Variants in ADAMTSL2 observed in about 807,000 individuals in gnomAD.
ADAMTSL2 encodes ADAMTS-like protein 2.
A neutral mutation model predicts 117.0 loss-of-function variants in ADAMTSL2; 55 were observed. The observed-to-expected ratio is 0.47, with a 90% CI of 0.38 to 0.59. ADAMTSL2 has a LOEUF of 0.59. Ranked by LOEUF, ADAMTSL2 falls within the 20% of genes least tolerant of loss-of-function variation. The pLI, the probability that ADAMTSL2 is intolerant of heterozygous loss-of-function variation, is 0.00. For missense variants in ADAMTSL2, 1,182 were observed against 1,354.5 expected, an observed-to-expected ratio of 0.87 and a Z score of 2.00; for synonymous variants, 572 against 566.4, an observed-to-expected ratio of 1.01 and a Z score of -0.14.
intron 9 of ADAMTSL2, among the ~76,000 whole-genome samples, chr9:133,548,627 GC>G (rs1203376276): frequency 6.6e-6 from 1 of 152,018 alleles, no homozygotes; most frequent in Non-Finnish European, 1.5e-5. Context: ...GCTTCGGCCA[GC>G]CCCCTGGGGG....
At chr9:133,551,986 C>T (rs1830497275) in intron 9 of ADAMTSL2, among the ~76,000 whole-genome samples, 1 of 152,026 alleles carries the variant, frequency 6.6e-6, no homozygotes, top group Non-Finnish European at 1.5e-5. Flanking sequence ...CCCACCACCA[C>T]ACCCAGCTAA....
Position 133,563,327 on chromosome 9 carries a change from G to T in ADAMTSL2, c.1747+2032G>T, listed in dbSNP as rs911698480. On this transcript the variant is annotated intron_variant, in intron 12 of 18. Transcript: ENST00000651351. ...CAGACCCCTAGCGGAGCTGAGCATG[G>T]TGGTGGGGTGTCAGCAGGGTGTCTG... is the stretch of plus-strand genomic sequence containing the variant. Among the ~76,000 whole-genome samples the T allele has an allele frequency of 6.6e-5, 10 of 152,374 alleles. No individual in the cohort carries two copies. The East Asian group carries it at 1.9e-3, about 29-fold the overall frequency.
chr9:133,552,416 C>T (rs979415614), intron 9 of ADAMTSL2, among the ~76,000 whole-genome samples: 12 of 152,250 alleles, frequency 7.9e-5, no homozygotes, highest in East Asian at 7.7e-4. Context: ...ATAAGTGTGG[C>T]GCCATCAGTG....
rs1830565143 is a variant in ADAMTSL2 at position 133,554,657 on chromosome 9, G to T, written c.1240G>T (p.Ala414Ser). ...NEVCEQAGGG[A>S]CEGPPRGKGF... ...GGTGTGCGAGCAGGCCGGCGGCGGG[G>T]CCTGCGAGGGGCCCCCCAGGGGCAA... The change falls in exon 10 of 19, where the codon GCC becomes TCC. Residue 414 changes from alanine (A) to serine (S), a missense_variant. Ala to Ser is a moderately conservative substitution (Grantham distance 99). Transcript: ENST00000651351. The surrounding 1 kb of genome is among the most constrained non-coding windows in gnomAD (Gnocchi z 5.2). 6 of 1,521,346 alleles carry T rather than the reference G, an allele frequency of 3.9e-6. No homozygotes were observed. The highest frequency in any genetic ancestry group is 4.2e-5 in the Admixed American group (2 of 47,710). 94.2% of individuals were successfully genotyped at this position (1,521,346 alleles called of 1,614,324 possible). A position where few individuals can be genotyped will look rare whatever the true frequency, so the allele number is the denominator to read the frequency against.
chr9:133,548,008 A>T (rs10121475), intron 9 of ADAMTSL2, among the ~76,000 whole-genome samples: 128,598 of 152,278 alleles, frequency 0.84, 55,080 homozygotes, highest in Non-Finnish European at 0.92. Flanking sequence ...GACATCAAGA[A>T]GGGCAGTTGT....
chr9:133,570,184 AAG>A (rs1336549669), intron 16 of ADAMTSL2, 145 bp from the exon 17 acceptor site: 5 of 888,942 alleles, frequency 5.6e-6, no homozygotes, highest in Admixed American at 2.7e-5. Context: ...TTATCGAACA[AAG>A]AGTTTCCAGC....
In ADAMTSL2 at chr9:133,566,976, C is replaced by T. The variant is rs1018083716; in HGVS notation, c.1788C>T (p.Gly596=). ...ACGCCATGTGTGTCCGCTATGATGG[C>T]GTCGAGGTGGATGACAGCTACTGTG... is the stretch of plus-strand genomic sequence containing the variant. The part of the protein sequence containing the change: ...SAYAMCVRYD[G]VEVDDSYCDA... The change falls in exon 13 of 19, where the codon GGC becomes GGT. Residue 596 remains glycine (G), a synonymous_variant. Transcript: ENST00000651351. 165 of 1,610,722 alleles carry T rather than the reference C, an allele frequency of 1.0e-4. No individual in the cohort carries two copies. Among genetic ancestry groups the T allele is most frequent in the Non-Finnish European group, 1.3e-4 (157 of 1,179,150 alleles).
intron 7 of ADAMTSL2, among the ~76,000 whole-genome samples, chr9:133,542,329 C>A (rs557428348): frequency 6.6e-6 from 1 of 152,298 alleles, no homozygotes; most frequent in African/African-American, 2.4e-5. Context: ...GGAGGCCTCG[C>A]TCTAGGAGCC....
chr9:133,571,619 C>T (rs1344210005), intron 17 of ADAMTSL2, among the ~76,000 whole-genome samples: 7 of 152,190 alleles, frequency 4.6e-5, no homozygotes, highest in African/African-American at 1.7e-4. Context: ...GGAGGCAGCC[C>T]TGTCTAGACT....
rs200619761 is a variant in ADAMTSL2, at chr9:133,537,439, G to C, written c.125G>C (p.Gly42Ala). The stretch of plus-strand genomic sequence containing the variant: ...CCAACATCCAATAGCCTGGAGGGGG[G>C]CACCGACGCCACGGCCTTCTGGTGG... The part of the protein sequence containing the change: ...NSPTSNSLEG[G>A]TDATAFWWGE... Residue 42 changes from glycine to alanine, a missense_variant, in exon 3 of 19, where the codon GGC (glycine) becomes GCC (alanine). By Grantham distance (60) the Gly-to-Ala change is moderately conservative. Transcript: ENST00000651351. 4.4e-5 allele frequency: 59 copies of C among 1,347,514 alleles called. 1 individual carries two copies. The Admixed American group carries it at 1.2e-3, about 26-fold the overall frequency. The allele number at this position is 1,347,514 out of a possible 1,614,324, so 83.5% of individuals were successfully genotyped here. A position where few individuals can be genotyped will look rare whatever the true frequency, so the allele number is the denominator to read the frequency against.
At chr9:133,574,666 G>T in intron 18 of ADAMTSL2, 80 bp from the exon 19 acceptor site, 1 of 1,248,042 alleles carries the variant, frequency 8.0e-7, no homozygotes, top group South Asian at 1.2e-5. Context: ...CCTGGAAAAC[G>T]GCACGTGGGG....
chr9:133,539,790 G>A lies in ADAMTSL2; in HGVS notation c.329G>A (p.Arg110Lys), dbSNP rs151031812. ...TCCCAGGAGTGTCCGCCGGACGGGA[G>A]GAGCTTCCGCGAGGAGCAGTGCGTC... ...CRVQECPPDG[R>K]SFREEQCVSF... is the part of the protein sequence containing the mutation. The change falls in exon 5 of 19, where the codon AGG becomes AAG. Residue 110 changes from arginine (R) to lysine (K), a missense_variant. Arg to Lys is a conservative substitution (Grantham distance 26). Coordinates refer to ENST00000651351, the MANE Select transcript of ADAMTSL2 (RefSeq NM_014694.4). 3.9e-6 allele frequency: 6 copies of A among 1,529,056 alleles called. No individual in the cohort carries two copies. Among genetic ancestry groups the A allele is most frequent in the Non-Finnish European group, 5.3e-6 (6 of 1,137,560 alleles). 94.7% of individuals were successfully genotyped at this position (1,529,056 alleles called of 1,614,324 possible).
In ADAMTSL2 at chr9:133,575,219, C is replaced by T. The variant is rs1020409527; in HGVS notation, c.*355C>T. ...CGGTGGAGGTGTCTTGCTCCGGGCCCGTAGCCCACGCCCTCTCTGGGTGGC... is the reference window on the plus strand; with the variant it reads ...CGGTGGAGGTGTCTTGCTCCGGGCCTGTAGCCCACGCCCTCTCTGGGTGGC... On this transcript the variant is annotated 3_prime_UTR_variant, in exon 19 of 19. Transcript: ENST00000651351. 9.3e-6 allele frequency: 3 copies of T among 322,352 alleles called. No homozygotes were observed. The highest frequency in any genetic ancestry group is 2.1e-5 in the African/African-American group (1 of 46,910). 20.0% of individuals were successfully genotyped at this position (322,352 alleles called of 1,614,324 possible). A position where few individuals can be genotyped will look rare whatever the true frequency, so the allele number is the denominator to read the frequency against.
intron 18 of ADAMTSL2, among the ~76,000 whole-genome samples, chr9:133,574,281 G>T (rs1401897997): frequency 6.6e-6 from 1 of 152,216 alleles, no homozygotes; most frequent in East Asian, 1.9e-4. Flanking sequence ...CAGGGCCACT[G>T]TGGGGCCAAG....
chr9:133,557,409 G>T lies in ADAMTSL2; in HGVS notation c.1649+1479G>T, dbSNP rs1445465277. On this transcript the variant is annotated intron_variant, in intron 11 of 18. Coordinates refer to ENST00000651351, the MANE Select transcript of ADAMTSL2 (RefSeq NM_014694.4). This position sits in a 1 kb window ranked among gnomAD's most constrained non-coding sequence, Gnocchi z 5.2. ...TCTGGCTGCCCCTCTTCCCACAGGG[G>T]TGGCACAGGGCTGTCTGCTCACCCT... is the stretch of plus-strand genomic sequence containing the variant. Among the ~76,000 whole-genome samples the T allele has an allele frequency of 3.3e-5, 5 of 152,218 alleles. No individual in the cohort carries two copies. Among genetic ancestry groups the T allele is most frequent in the African/African-American group, 1.2e-4 (5 of 41,444 alleles).
chr9:133,572,692 C>T (rs1239836873), intron 17 of ADAMTSL2, among the ~76,000 whole-genome samples: 1 of 152,192 alleles, frequency 6.6e-6, no homozygotes, highest in Admixed American at 6.5e-5. Flanking sequence ...GGAGCATCCC[C>T]CTAGCCCTGA....
At position 133,534,903 on chromosome 9, in the gene ADAMTSL2, C is replaced by G. The variant is rs891409673; in HGVS notation, c.-165C>G. 35 of 1,418,654 alleles carry G rather than the reference C, an allele frequency of 2.5e-5. 1 individual carries two copies. In the Admixed American group the frequency reaches 5.4e-4, roughly 22 times the overall value. The allele number at this position is 1,418,654 out of a possible 1,614,324, so 87.9% of individuals were successfully genotyped here. On this transcript the variant is annotated 5_prime_UTR_variant, in exon 1 of 19. Coordinates refer to ENST00000651351, the MANE Select transcript of ADAMTSL2 (RefSeq NM_014694.4). The stretch of plus-strand genomic sequence containing the variant: ...CCCCTTTCTCTGGGAGGACAACCTG[C>G]TGACCCGAAGCCAGGTAGGCCACCT...
At chr9:133,561,046 C>A (rs998324268) in intron 11 of ADAMTSL2, 152 bp from the exon 12 acceptor site, 35 of 720,968 alleles carry the variant, frequency 4.9e-5, no homozygotes, top group Non-Finnish European at 8.6e-5. Context: ...GAACTCTGAC[C>A]GTAGCAGGTG....
intron 5 of ADAMTSL2, 152 bp downstream of exon 5, chr9:133,540,025 C>T (rs975990050): frequency 6.7e-6 from 5 of 750,524 alleles, no homozygotes; most frequent in Non-Finnish European, 1.1e-5. Flanking sequence ...GTCTCCTGAG[C>T]CCTGGCCCAG....
Sources: gnomAD v4.1 joint callset for allele counts (sites outside exome capture counted in the v4.1 genomes callset) on GRCh38, gnomAD v4.1.1 for gene constraint, Gnocchi (gnomAD v3.1) non-coding constraint, MANE v1.5 for transcripts, NCBI Gene and HGNC (gene_info 2026-07-23, HGNC 2026-07-21) for gene names.